Variants in ERBIN observed in about 807,000 individuals in gnomAD.
ERBIN encodes the protein densin-180-like protein.
ERBIN carries 60 observed loss-of-function variants against 158.4 expected under a neutral mutation model. That is an observed-to-expected ratio of 0.38 (90% confidence interval 0.31 to 0.47). ERBIN has a LOEUF of 0.47. Ranked by LOEUF, ERBIN falls within the 20% of genes least tolerant of loss-of-function variation. The probability of loss-of-function intolerance (pLI) is 0.99; values close to 1 mark genes in which losing one functional copy is unlikely to be tolerated. For missense variants in ERBIN, 1,610 were observed against 1,648.0 expected (o/e 0.98, Z 0.40); for synonymous variants, 594 against 557.2 (o/e 1.07, Z -0.93).
At chr5:66,068,258 G>T (rs1761202347) in intron 21 of ERBIN, among the ~76,000 whole-genome samples, 1 of 151,922 alleles carries the variant, frequency 6.6e-6, no homozygotes, top group African/African-American at 2.4e-5. Context: ...AGATCTTTGA[G>T]CCCAGGAGTT....
At chr5:66,008,255 C>G (rs1368182386) in intron 4 of ERBIN, among the ~76,000 whole-genome samples, 1 of 151,948 alleles carries the variant, frequency 6.6e-6, no homozygotes, top group East Asian at 1.9e-4. Context: ...TATATAAAAC[C>G]CCTAATATAA....
intron 7 of ERBIN, among the ~76,000 whole-genome samples, chr5:66,016,901 C>T (rs1484983941): frequency 6.6e-6 from 1 of 152,146 alleles, no homozygotes; most frequent in Non-Finnish European, 1.5e-5. Flanking sequence ...AGGCGTGAGC[C>T]ACCACACCCG....
rs376222985 is a variant in ERBIN at position 65,932,084 on chromosome 5, C to T, written c.-58+5278C>T. Among the ~76,000 whole-genome samples the T allele has an allele frequency of 2.5e-4, 38 of 152,094 alleles. 1 individual carries two copies. The East Asian group carries it at 4.3e-3, about 17-fold the overall frequency. On this transcript the variant is annotated intron_variant, in intron 1 of 25. Transcript: ENST00000284037. ...CTGCCCGCCTCGGCCTCCCAAAGTG[C>T]TGGGATTACAGGCGTGAGCCACCGC... is the stretch of plus-strand genomic sequence containing the variant.
chr5:65,997,869 C>G, intron 4 of ERBIN, among the ~76,000 whole-genome samples: 1 of 152,074 alleles, frequency 6.6e-6, no homozygotes, highest in East Asian at 1.9e-4. Flanking sequence ...TATTAGAATT[C>G]ATCCTGTTTT....
intron 1 of ERBIN, among the ~76,000 whole-genome samples, chr5:65,934,543 A>G (rs1027674596): frequency 1.3e-5 from 2 of 152,046 alleles, no homozygotes; most frequent in African/African-American, 4.8e-5. Context: ...CTTTGATTAG[A>G]TTTTTATGAT....
chr5:65,970,197 C>G (rs577560196), intron 1 of ERBIN, among the ~76,000 whole-genome samples: 10 of 152,102 alleles, frequency 6.6e-5, no homozygotes, highest in African/African-American at 2.4e-4. Context: ...GGGACATTCC[C>G]CTCATATTTT....
chr5:65,973,011 A>C (rs1389837432), intron 1 of ERBIN, among the ~76,000 whole-genome samples: 1 of 151,306 alleles, frequency 6.6e-6, no homozygotes, highest in Non-Finnish European at 1.5e-5. Context: ...GAAAGAATAA[A>C]CTTATAAAGA....
intron 1 of ERBIN, among the ~76,000 whole-genome samples, chr5:65,938,530 G>A (rs751830631): frequency 1.4e-4 from 22 of 151,814 alleles, no homozygotes; most frequent in Middle Eastern, 6.8e-3. Flanking sequence ...GTCCCACTCC[G>A]TTGCCCAGGC....
intron 1 of ERBIN, among the ~76,000 whole-genome samples, chr5:65,946,787 CTTT>C (rs918837936): frequency 2.2e-5 from 3 of 134,444 alleles, no homozygotes; most frequent in Admixed American, 1.5e-4. Flanking sequence ...TTGGTTGTTA[CTTT>C]TTTTTTTTTT....
Position 65,983,795 on chromosome 5 carries a change from C to A in ERBIN, c.-57-4840C>A, listed in dbSNP as rs148915616. On this transcript the variant is annotated intron_variant, in intron 1 of 25. Transcript: ENST00000284037. ...TTCTCCGCATCTCAGGGCACCCCCC[C>A]CAACTGTCTGTGGATCTGGAGACCT... Among the ~76,000 whole-genome samples, 554 of 152,296 alleles carry A rather than the reference C, an allele frequency of 3.6e-3. 1 individual carries two copies. The highest frequency in any genetic ancestry group is 0.017 in the Middle Eastern group (5 of 294).
At chr5:66,021,162 TGAC>T (rs1755639915) in intron 7 of ERBIN, among the ~76,000 whole-genome samples, 157 bp from the exon 8 acceptor site, 1 of 75,888 alleles carries the variant, frequency 1.3e-5, no homozygotes, top group African/African-American at 3.3e-5. Flanking sequence ...TCTAGAAATC[TGAC>T]TTTTAAAATT....
chr5:65,954,495 G>T (rs975078390), intron 1 of ERBIN, among the ~76,000 whole-genome samples: 1 of 152,112 alleles, frequency 6.6e-6, no homozygotes, highest in Non-Finnish European at 1.5e-5. Context: ...GTGGACCTGA[G>T]TACATCAAAT....
intron 7 of ERBIN, among the ~76,000 whole-genome samples, 186 bp downstream of exon 7, chr5:66,014,911 C>T (rs964322123): frequency 2.6e-5 from 4 of 152,020 alleles, no homozygotes; most frequent in African/African-American, 9.7e-5. Context: ...TGGTGCTTAA[C>T]GTGGTACTGT....
chr5:66,011,962 A>T, intron 4 of ERBIN, 87 bp from the exon 5 acceptor site: 1 of 753,838 alleles, frequency 1.3e-6, no homozygotes. Flanking sequence ...ATATTACTTT[A>T]GAATCTGGAA....
intron 14 of ERBIN, among the ~76,000 whole-genome samples, chr5:66,033,765 A>G (rs1052993999): frequency 6.6e-6 from 1 of 152,192 alleles, no homozygotes; most frequent in Non-Finnish European, 1.5e-5. Flanking sequence ...ATCCTTTAAT[A>G]TTGCAGAGCA....
intron 21 of ERBIN, among the ~76,000 whole-genome samples, chr5:66,067,197 A>C (rs1037817509): frequency 7.9e-5 from 12 of 152,192 alleles, no homozygotes; most frequent in Non-Finnish European, 1.5e-4. Flanking sequence ...CTGGGCTATA[A>C]GTTTAGCTTT....
At chr5:66,074,900 G>T in intron 22 of ERBIN, 124 bp from the exon 23 acceptor site, 1 of 744,308 alleles carries the variant, frequency 1.3e-6, no homozygotes, top group Non-Finnish European at 2.2e-6. Context: ...AAGTGGCATG[G>T]TATTGTTTGA....
chr5:65,956,803 C>A (rs1015849031), intron 1 of ERBIN, among the ~76,000 whole-genome samples: 1 of 152,088 alleles, frequency 6.6e-6, no homozygotes, highest in African/African-American at 2.4e-5. Context: ...TGAAGCACAA[C>A]GTAGCTGGAG....
chr5:66,030,653 C>A (rs1409621927), intron 14 of ERBIN, among the ~76,000 whole-genome samples: 6 of 151,100 alleles, frequency 4.0e-5, no homozygotes, highest in African/African-American at 1.5e-4. Flanking sequence ...ATCTTCACCT[C>A]CTGGGCTCAA....
Sources: gnomAD v4.1 joint callset for allele counts (sites outside exome capture counted in the v4.1 genomes callset) on GRCh38, gnomAD v4.1.1 for gene constraint, MANE v1.5 for transcripts, NCBI Gene and HGNC (gene_info 2026-07-23, HGNC 2026-07-21) for gene names.